Variants in TTC29 observed in about 807,000 individuals in gnomAD.
The protein encoded by TTC29 is tetratricopeptide repeat protein 29.
TTC29 carries 49 observed loss-of-function variants against 58.1 expected under a neutral mutation model. That is an observed-to-expected ratio of 0.84 (90% CI 0.67 to 1.07). The LOEUF (loss-of-function observed/expected upper bound fraction) is 1.07. TTC29 is among the 50% of genes least tolerant of loss of function. The pLI is 0.00. For synonymous variants in TTC29, 209 were observed against 196.8 expected, an observed-to-expected ratio of 1.06 and a Z score of -0.52; for missense variants, 582 against 555.6, an observed-to-expected ratio of 1.05 and a Z score of -0.48.
At chr4:146,800,921 A>G (rs1750171069) in intron 11 of TTC29, among the ~76,000 whole-genome samples, 1 of 152,224 alleles carries the variant, frequency 6.6e-6, no homozygotes, top group African/African-American at 2.4e-5. Context: ...GTGGAGAGAA[A>G]TGAATGACAT....
chr4:146,755,796 A>G (rs1057041400), intron 11 of TTC29, among the ~76,000 whole-genome samples: 2 of 152,126 alleles, frequency 1.3e-5, no homozygotes, highest in Admixed American at 6.6e-5. Context: ...TCTGTATCAC[A>G]AATCCAAAGG....
At chr4:146,884,429 G>A (rs1202127039) in intron 6 of TTC29, among the ~76,000 whole-genome samples, 1 of 152,074 alleles carries the variant, frequency 6.6e-6, no homozygotes, top group Non-Finnish European at 1.5e-5. Context: ...CAAGAGACCT[G>A]CAGTTTGAGT....
At chr4:146,749,715 C>T (rs533475181) in intron 11 of TTC29, among the ~76,000 whole-genome samples, 31 of 152,142 alleles carry the variant, frequency 2.0e-4, no homozygotes, top group African/African-American at 3.4e-4. Flanking sequence ...GTAGATTCAA[C>T]GCAAAGGGGT....
chr4:146,905,693 T>C (rs1332776405), intron 5 of TTC29, among the ~76,000 whole-genome samples: 1 of 152,184 alleles, frequency 6.6e-6, no homozygotes, highest in East Asian at 1.9e-4. Flanking sequence ...TCAATTTTAT[T>C]GTGGGTTTCT....
intron 11 of TTC29, among the ~76,000 whole-genome samples, chr4:146,728,593 G>T: frequency 6.7e-6 from 1 of 148,814 alleles, no homozygotes; most frequent in Non-Finnish European, 1.5e-5. Flanking sequence ...GATGGAATGG[G>T]GCCAATTTAT....
Position 146,909,216 on chromosome 4 carries a change from C to G in TTC29, c.210G>C (p.Val70=). The G allele has an allele frequency of 6.2e-7, 1 of 1,613,346 alleles. No individual in the cohort carries two copies. ...TATGATAACCATCTCGCAGCATGTCCACACAGATATTCTTCTTGTAGGAGT... is the reference window on the plus strand; with the variant it reads ...TATGATAACCATCTCGCAGCATGTCGACACAGATATTCTTCTTGTAGGAGT... ...YRNSYKKNIC[V]DMLRDGYHKS... is the part of the protein sequence containing the mutation. The change falls in exon 5 of 13, where the codon GTG becomes GTC. Residue 70 remains valine (V), a synonymous_variant. Transcript: ENST00000325106.
intron 8 of TTC29, among the ~76,000 whole-genome samples, chr4:146,849,534 C>T (rs556623408): frequency 6.6e-6 from 1 of 152,246 alleles, no homozygotes; most frequent in South Asian, 2.1e-4. Flanking sequence ...CAACCTCATG[C>T]TTGTCTGGTC....
chr4:146,914,812 C>A (rs1337293041), intron 4 of TTC29, among the ~76,000 whole-genome samples: 1 of 151,904 alleles, frequency 6.6e-6, no homozygotes, highest in Non-Finnish European at 1.5e-5. Flanking sequence ...CAACATCTCC[C>A]TAAAAAAATG....
chr4:146,902,742 C>A (rs939530122), intron 6 of TTC29, among the ~76,000 whole-genome samples: 1 of 152,140 alleles, frequency 6.6e-6, no homozygotes, highest in African/African-American at 2.4e-5. Flanking sequence ...AATGTTCAGG[C>A]GCCTTGCGAG....
chr4:146,918,684 A>AT (rs1734392719), intron 4 of TTC29, among the ~76,000 whole-genome samples: 1 of 151,298 alleles, frequency 6.6e-6, no homozygotes, highest in South Asian at 2.1e-4. Context: ...ACATAAAGGC[A>AT]TTTTTTATGT....
intron 10 of TTC29, among the ~76,000 whole-genome samples, chr4:146,815,210 A>C (rs1022926535): frequency 2.0e-5 from 3 of 152,192 alleles, no homozygotes; most frequent in Non-Finnish European, 1.5e-5. Flanking sequence ...CAGTGTCTAC[A>C]TGAGACAATA....
intron 8 of TTC29, among the ~76,000 whole-genome samples, chr4:146,862,464 T>C (rs1579853884): frequency 6.6e-6 from 1 of 152,052 alleles, no homozygotes; most frequent in East Asian, 1.9e-4. Flanking sequence ...AAGAAAAAAG[T>C]AAAAGGAGAT....
intron 10 of TTC29, among the ~76,000 whole-genome samples, chr4:146,818,558 A>T (rs1751586590): frequency 6.6e-6 from 1 of 152,232 alleles, no homozygotes; most frequent in Non-Finnish European, 1.5e-5. Context: ...TAGAAATACC[A>T]TTTGACCCAG....
At chr4:146,730,248 T>C (rs902797370) in intron 11 of TTC29, among the ~76,000 whole-genome samples, 5 of 152,124 alleles carry the variant, frequency 3.3e-5, no homozygotes, top group Admixed American at 1.3e-4. Context: ...AAGGAAATCA[T>C]GTCATTTGCA....
chr4:146,792,753 T>G (rs937340557), intron 11 of TTC29, among the ~76,000 whole-genome samples: 7 of 152,168 alleles, frequency 4.6e-5, no homozygotes, highest in African/African-American at 1.7e-4. Context: ...TTCTGATGGA[T>G]CTGGTAAAAG....
At chr4:146,784,433 T>A (rs1164844780) in intron 11 of TTC29, among the ~76,000 whole-genome samples, 1 of 152,112 alleles carries the variant, frequency 6.6e-6, no homozygotes, top group East Asian at 1.9e-4. Flanking sequence ...ATGGTGTGAA[T>A]GTTTGTGTCC....
chr4:146,807,303 G>A (rs938676135), intron 10 of TTC29, among the ~76,000 whole-genome samples: 4 of 152,088 alleles, frequency 2.6e-5, no homozygotes, highest in Admixed American at 6.6e-5. Flanking sequence ...ATCTAAAATC[G>A]ACACCCTAAC....
At chr4:146,912,900 T>C (rs886604470) in intron 4 of TTC29, among the ~76,000 whole-genome samples, 1 of 151,848 alleles carries the variant, frequency 6.6e-6, no homozygotes, top group African/African-American at 2.4e-5. Context: ...ATATCAAGGG[T>C]GAAGGAAAGG....
chr4:146,743,857 G>C (rs1745344816), intron 11 of TTC29, among the ~76,000 whole-genome samples: 1 of 152,206 alleles, frequency 6.6e-6, no homozygotes, highest in East Asian at 1.9e-4. Flanking sequence ...ACCTCAGGAA[G>C]ATATTTACAA....
Sources: gnomAD v4.1 joint callset for allele counts (sites outside exome capture counted in the v4.1 genomes callset) on GRCh38, gnomAD v4.1.1 for gene constraint, MANE v1.5 for transcripts, NCBI Gene and HGNC (gene_info 2026-07-23, HGNC 2026-07-21) for gene names.